Variants in FRMD6 observed in about 807,000 individuals in gnomAD.
The protein encoded by FRMD6 is FERM domain containing 6.
FRMD6 carries 37 observed loss-of-function variants against 73.2 expected under a neutral mutation model. The observed-to-expected ratio is 0.51, with a 90% confidence interval of 0.39 to 0.66. The LOEUF (loss-of-function observed/expected upper bound fraction) is 0.66, where lower values mean the gene tolerates loss of function less well. FRMD6 is among the 30% of genes least tolerant of loss of function. The pLI is 0.00. For missense variants in FRMD6, 714 were observed against 780.5 expected, an observed-to-expected ratio of 0.91 and a Z score of 1.02; for synonymous variants, 273 against 282.2, an observed-to-expected ratio of 0.97 and a Z score of 0.33.
intron 1 of FRMD6, among the ~76,000 whole-genome samples, chr14:51,536,376 AGCCACTGCAGCTGGCCTCTT>A (rs1295769988): frequency 6.6e-5 from 10 of 151,936 alleles, no homozygotes; most frequent in Admixed American, 4.6e-4. Context: ...CACAGGCATG[AGCCACTGCAGCTGGCCTCTT>A]GCCCATATTT....
At chr14:51,693,315 C>T (rs1895729595) in intron 2 of FRMD6, among the ~76,000 whole-genome samples, 1 of 152,100 alleles carries the variant, frequency 6.6e-6, no homozygotes, top group African/African-American at 2.4e-5. Context: ...AATCCCTAGG[C>T]AGAGATAAAT....
At chr14:51,473,365 T>C in the FRMD6 span, among the ~76,000 whole-genome samples, 8 of 152,340 alleles carry the variant, frequency 5.3e-5, no homozygotes, top group South Asian at 6.2e-4. Context: ...TAACCGCGCA[T>C]GGCCACCATC....
At chr14:51,661,995 T>C (rs1019116108) in intron 1 of FRMD6, among the ~76,000 whole-genome samples, 20 of 152,156 alleles carry the variant, frequency 1.3e-4, no homozygotes, top group Non-Finnish European at 2.2e-4. Context: ...TCCCTAGTTA[T>C]TATTGGTAGG....
Position 51,656,429 on chromosome 14 carries a change from TC to T in FRMD6, c.-147+4434del, listed in dbSNP as rs200306347. Among the ~76,000 whole-genome samples, 172 of 148,004 alleles carry T rather than the reference TC, an allele frequency of 1.2e-3. 5 individuals are homozygous for T. Among genetic ancestry groups the T allele is most frequent in the Middle Eastern group, 3.5e-3 (1 of 282 alleles). On this transcript the variant is annotated intron_variant, in intron 1 of 13. Transcript: ENST00000344768. ...AGCATTTTCTTTTCTTTTTTTTTTT[TC>T]TGAGGCGGAGTCTCGCCCTGTCGCC... is the stretch of plus-strand genomic sequence containing the variant.
At chr14:51,475,531 C>G in the FRMD6 span, among the ~76,000 whole-genome samples, 24 of 152,328 alleles carry the variant, frequency 1.6e-4, no homozygotes, top group East Asian at 2.1e-3. Context: ...CTACATACAG[C>G]ATGAGCCATT....
At chr14:51,453,902 A>G in the FRMD6 span, among the ~76,000 whole-genome samples, 48 of 152,294 alleles carry the variant, frequency 3.2e-4, no homozygotes, top group African/African-American at 1.2e-3. Flanking sequence ...TTGTATACTC[A>G]GTTAGGTTGA....
At chr14:51,671,527 G>A (rs559323001) in intron 1 of FRMD6, among the ~76,000 whole-genome samples, 1 of 152,134 alleles carries the variant, frequency 6.6e-6, no homozygotes, top group Non-Finnish European at 1.5e-5. Flanking sequence ...TACCTGAATA[G>A]GATCTAGTTT....
chr14:51,708,988 T>G (rs960741330), intron 7 of FRMD6, among the ~76,000 whole-genome samples: 10 of 152,216 alleles, frequency 6.6e-5, no homozygotes, highest in Admixed American at 2.6e-4. Context: ...AAATAACAAC[T>G]GGGGCCATGC....
intron 2 of FRMD6, among the ~76,000 whole-genome samples, chr14:51,589,358 TGTTG>T (rs753246800): frequency 6.7e-6 from 1 of 150,238 alleles, no homozygotes; most frequent in African/African-American, 2.4e-5. Context: ...TGGTTTTTTT[TGTTG>T]TTGTTGTTGT....
chr14:51,439,722 T>C, the FRMD6 span, among the ~76,000 whole-genome samples: 2 of 152,216 alleles, frequency 1.3e-5, no homozygotes, highest in Non-Finnish European at 2.9e-5. Context: ...TCATGTCAGA[T>C]GGCATTGAAG....
At chr14:51,716,557 G>A (rs1897252912) in intron 10 of FRMD6, among the ~76,000 whole-genome samples, 1 of 152,104 alleles carries the variant, frequency 6.6e-6, no homozygotes, top group Non-Finnish European at 1.5e-5. Flanking sequence ...ACCTTGTAGA[G>A]GTTTGTGCTT....
chr14:51,423,150 A>G, the FRMD6 span, among the ~76,000 whole-genome samples: 1 of 152,222 alleles, frequency 6.6e-6, no homozygotes, highest in African/African-American at 2.4e-5. Context: ...GTAGTTGCGT[A>G]GCTTATTCTG....
At chr14:51,404,699 A>G in the FRMD6 span, among the ~76,000 whole-genome samples, 4 of 152,148 alleles carry the variant, frequency 2.6e-5, no homozygotes, top group African/African-American at 7.2e-5. Flanking sequence ...CACAAGCCAC[A>G]TGTATGCTTT....
chr14:51,623,983 G>T (rs913466546), intron 2 of FRMD6, among the ~76,000 whole-genome samples: 3 of 152,210 alleles, frequency 2.0e-5, no homozygotes, highest in Non-Finnish European at 4.4e-5. Flanking sequence ...AAAGGAAAAA[G>T]ATCATGTCCT....
chr14:51,645,603 A>T (rs2140052335), intron 2 of FRMD6, among the ~76,000 whole-genome samples: 1 of 152,036 alleles, frequency 6.6e-6, no homozygotes, highest in East Asian at 1.9e-4. Flanking sequence ...CGCCCAGCTA[A>T]TTTTTTATTT....
chr14:51,617,213 C>T (rs1237907733), intron 2 of FRMD6, among the ~76,000 whole-genome samples: 1 of 152,184 alleles, frequency 6.6e-6, no homozygotes, highest in African/African-American at 2.4e-5. Context: ...CACATTTTTA[C>T]CTACCTTTGG....
At chr14:51,498,326 C>T (rs1036023425) in intron 1 of FRMD6, among the ~76,000 whole-genome samples, 1 of 152,224 alleles carries the variant, frequency 6.6e-6, no homozygotes, top group African/African-American at 2.4e-5. Flanking sequence ...ATAATTTCCT[C>T]TCTGCTCTTT....
At chr14:51,720,527 A>C in intron 11 of FRMD6, 137 bp downstream of exon 11, 1 of 738,814 alleles carries the variant, frequency 1.4e-6, no homozygotes, top group South Asian at 1.8e-5. Context: ...TGTCTTCCCC[A>C]ATGACTTGGT....
chr14:51,550,580 A>ACCCCC (rs149360752), intron 1 of FRMD6, among the ~76,000 whole-genome samples: 3 of 148,110 alleles, frequency 2.0e-5, no homozygotes, highest in Non-Finnish European at 3.0e-5. Flanking sequence ...TTGGGAGGAG[A>ACCCCC]CCCCCCCGCC....
Sources: allele counts gnomAD v4.1 joint callset (sites outside exome capture counted in the v4.1 genomes callset), GRCh38; gene constraint gnomAD v4.1.1; transcripts MANE v1.5; gene names NCBI Gene and HGNC (gene_info 2026-07-23, HGNC 2026-07-21).